ARHGAP15: variants seen among roughly 807,000 people sequenced by gnomAD.
The protein encoded by ARHGAP15 is Rho GTPase activating protein 15, also known as rho GTPase-activating protein 15.
ARHGAP15 carries 51 observed loss-of-function variants against 63.7 expected under a neutral mutation model. That is an observed-to-expected ratio of 0.80 (90% CI 0.64 to 1.01). The LOEUF is 1.01. Among genes scored for constraint, ARHGAP15 ranks in the 50% least tolerant of loss-of-function variants. ARHGAP15 has a pLI of 0.00. For synonymous variants in ARHGAP15, 191 were observed against 193.8 expected (o/e 0.99, Z 0.12); for missense variants, 560 against 564.6 (o/e 0.99, Z 0.08).
At chr2:143,528,052 GATTTT>G (rs1694357875) in intron 10 of ARHGAP15, among the ~76,000 whole-genome samples, 1 of 152,030 alleles carries the variant, frequency 6.6e-6, no homozygotes, top group Non-Finnish European at 1.5e-5. Flanking sequence ...TTTCCTTAAT[GATTTT>G]ATTTTCATCG....
At chr2:143,443,022 G>C (rs780649239) in intron 8 of ARHGAP15, among the ~76,000 whole-genome samples, 6 of 151,890 alleles carry the variant, frequency 4.0e-5, no homozygotes, top group Non-Finnish European at 5.9e-5. Flanking sequence ...AGACCTTTCT[G>C]GGAACTATGT....
At chr2:143,309,520 A>G (rs1235569148) in intron 6 of ARHGAP15, among the ~76,000 whole-genome samples, 4 of 152,058 alleles carry the variant, frequency 2.6e-5, no homozygotes, top group Non-Finnish European at 5.9e-5. Flanking sequence ...CATCGGATAC[A>G]CTCCACAAAT....
intron 10 of ARHGAP15, among the ~76,000 whole-genome samples, chr2:143,552,054 G>A (rs749650767): frequency 2.8e-4 from 43 of 152,150 alleles, no homozygotes; most frequent in Admixed American, 8.5e-4. Context: ...AAAGATTTTC[G>A]CCGGAGGGAG....
intron 6 of ARHGAP15, among the ~76,000 whole-genome samples, chr2:143,370,404 C>G (rs1212140157): frequency 6.6e-6 from 1 of 151,908 alleles, no homozygotes; most frequent in Non-Finnish European, 1.5e-5. Context: ...TGCTAGATGA[C>G]GAGTTAGTGG....
chr2:143,267,883 A>G (rs1681075067), intron 6 of ARHGAP15, among the ~76,000 whole-genome samples: 1 of 152,160 alleles, frequency 6.6e-6, no homozygotes, highest in Admixed American at 6.5e-5. Flanking sequence ...TTTATGAAAT[A>G]TATCCATGTG....
intron 6 of ARHGAP15, among the ~76,000 whole-genome samples, chr2:143,375,772 A>T (rs1344176254): frequency 2.0e-5 from 3 of 152,188 alleles, no homozygotes; most frequent in Non-Finnish European, 4.4e-5. Context: ...ACTTCTATCA[A>T]CACTATGGCT....
At chr2:143,133,518 A>G (rs1688992878) in intron 1 of ARHGAP15, among the ~76,000 whole-genome samples, 1 of 152,168 alleles carries the variant, frequency 6.6e-6, no homozygotes, top group Non-Finnish European at 1.5e-5. Context: ...TTTGCAGAAG[A>G]GTTTGAAGTC....
intron 4 of ARHGAP15, chr2:143,228,276 T>A (rs923099622): frequency 5.4e-6 from 1 of 185,288 alleles, no homozygotes; most frequent in Non-Finnish European, 1.1e-5. Context: ...AAACATAAAC[T>A]TTTTATGGGA....
chr2:143,491,880 A>G (rs1211117000), intron 9 of ARHGAP15, among the ~76,000 whole-genome samples: 1 of 151,626 alleles, frequency 6.6e-6, no homozygotes, highest in Non-Finnish European at 1.5e-5. Context: ...TTTTTTTATT[A>G]TTATTATTTT....
intron 6 of ARHGAP15, among the ~76,000 whole-genome samples, chr2:143,251,383 G>A (rs773922399): frequency 6.6e-6 from 1 of 151,902 alleles, no homozygotes; most frequent in Middle Eastern, 3.2e-3. Context: ...TAAATTAAAT[G>A]TCTTCTGAGA....
intron 9 of ARHGAP15, among the ~76,000 whole-genome samples, chr2:143,515,185 TAA>T (rs1693757411): frequency 1.1e-4 from 15 of 139,010 alleles, no homozygotes; most frequent in East Asian, 4.5e-4. Flanking sequence ...CCCACTATAT[TAA>T]CCCCCCCACC....
At chr2:143,694,189 T>C (rs1683740443) in intron 12 of ARHGAP15, among the ~76,000 whole-genome samples, 1 of 151,222 alleles carries the variant, frequency 6.6e-6, no homozygotes, top group Admixed American at 6.6e-5. Context: ...TTCAAGAAAC[T>C]ATAAAAAGAA....
intron 6 of ARHGAP15, among the ~76,000 whole-genome samples, chr2:143,377,814 C>T (rs544961841): frequency 6.6e-6 from 1 of 152,120 alleles, no homozygotes; most frequent in Admixed American, 6.6e-5. Flanking sequence ...ACATTTCAGT[C>T]TTCTCAATGT....
At chr2:143,315,213 A>G (rs932716597) in intron 6 of ARHGAP15, among the ~76,000 whole-genome samples, 3 of 152,222 alleles carry the variant, frequency 2.0e-5, no homozygotes, top group Non-Finnish European at 4.4e-5. Flanking sequence ...AGATGCTATT[A>G]ATTGATAATC....
intron 11 of ARHGAP15, among the ~76,000 whole-genome samples, chr2:143,611,616 A>G (rs976279924): frequency 6.6e-6 from 1 of 152,142 alleles, no homozygotes; most frequent in African/African-American, 2.4e-5. Flanking sequence ...CTATGCTGAT[A>G]ATTTTCAAAT....
intron 9 of ARHGAP15, among the ~76,000 whole-genome samples, chr2:143,494,365 C>T (rs974802325): frequency 2.0e-5 from 3 of 152,046 alleles, no homozygotes. Context: ...TTTTTTTGCA[C>T]ATCTCATTTC....
At chr2:143,155,343 T>C (rs1690034613) in intron 1 of ARHGAP15, 134 bp from the exon 2 acceptor site, 1 of 806,742 alleles carries the variant, frequency 1.2e-6, no homozygotes, top group Non-Finnish European at 1.8e-6. Context: ...TACTTTTTTC[T>C]TCACTAGTCA....
intron 6 of ARHGAP15, among the ~76,000 whole-genome samples, chr2:143,285,265 T>C (rs1264529465): frequency 6.6e-6 from 1 of 152,100 alleles, no homozygotes; most frequent in Non-Finnish European, 1.5e-5. Context: ...ACTAATTCAA[T>C]ATTTTTTTTC....
intron 6 of ARHGAP15, among the ~76,000 whole-genome samples, chr2:143,257,775 G>A (rs979089756): frequency 1.8e-4 from 27 of 152,072 alleles, no homozygotes; most frequent in Admixed American, 1.3e-4. Flanking sequence ...GACTTGACAC[G>A]ATGCACTCCA....
Sources: allele counts gnomAD v4.1 joint callset (sites outside exome capture counted in the v4.1 genomes callset), GRCh38; gene constraint gnomAD v4.1.1; transcripts MANE v1.5; gene names NCBI Gene and HGNC (gene_info 2026-07-23, HGNC 2026-07-21).